UBE2E2: variants seen among roughly 807,000 people sequenced by gnomAD.
UBE2E2 encodes ubiquitin conjugating enzyme E2 E2, also known as ubiquitin-conjugating enzyme E2 E2.
UBE2E2 carries 6 observed loss-of-function variants against 24.7 expected under a neutral mutation model. That is an observed-to-expected ratio of 0.24 (90% CI 0.13 to 0.48). The LOEUF is 0.48. Ranked by LOEUF, UBE2E2 falls within the 20% of genes least tolerant of loss-of-function variation. The probability of loss-of-function intolerance (pLI) is 0.99; values close to 1 mark genes in which losing one functional copy is unlikely to be tolerated. For missense variants in UBE2E2, 169 were observed against 245.0 expected (o/e 0.69, Z 2.07); for synonymous variants, 104 against 83.6 (o/e 1.24, Z -1.33).
chr3:23,363,144 G>A (rs114700177), intron 3 of UBE2E2, among the ~76,000 whole-genome samples: 4,445 of 152,274 alleles, frequency 0.029, 113 homozygotes, highest in East Asian at 0.13. Context: ...ATGTCTTGAA[G>A]GGAGTGCTAG....
intron 3 of UBE2E2, among the ~76,000 whole-genome samples, chr3:23,418,374 G>A (rs778513476): frequency 2.0e-5 from 3 of 152,162 alleles, no homozygotes; most frequent in Admixed American, 6.5e-5. Context: ...GGCTGGATCC[G>A]CTGTGTAACC....
At chr3:23,493,140 C>G (rs1479017948) in intron 3 of UBE2E2, among the ~76,000 whole-genome samples, 1 of 152,268 alleles carries the variant, frequency 6.6e-6, no homozygotes, top group East Asian at 1.9e-4. Flanking sequence ...CATCCTTCCT[C>G]TTTACCTGTC....
chr3:23,527,955 G>A (rs1695038949), intron 4 of UBE2E2, among the ~76,000 whole-genome samples: 1 of 152,130 alleles, frequency 6.6e-6, no homozygotes, highest in South Asian at 2.1e-4. Flanking sequence ...TGTGTGAACT[G>A]CTTTAGCAAA....
intron 3 of UBE2E2, among the ~76,000 whole-genome samples, chr3:23,390,909 CA>C (rs1212175579): frequency 1.3e-5 from 2 of 152,112 alleles, no homozygotes; most frequent in African/African-American, 2.4e-5. Context: ...ATGTAGACCA[CA>C]ATTGTAATCA....
intron 3 of UBE2E2, among the ~76,000 whole-genome samples, chr3:23,262,239 T>A (rs1028716288): frequency 7.2e-5 from 11 of 152,174 alleles, no homozygotes; most frequent in African/African-American, 2.4e-4. Flanking sequence ...GTGTTGGCCA[T>A]TTGTATTTCT....
At chr3:23,449,919 C>T in intron 3 of UBE2E2, 1 of 985,398 alleles carries the variant, frequency 1.0e-6, no homozygotes, top group Non-Finnish European at 1.2e-6. Context: ...GGGGACCCCT[C>T]CCCCTAGTGA....
intron 3 of UBE2E2, among the ~76,000 whole-genome samples, chr3:23,351,821 T>G (rs533436478): frequency 6.6e-6 from 1 of 152,260 alleles, no homozygotes; most frequent in African/African-American, 2.4e-5. Context: ...ATTAGACAGA[T>G]CAACGAGACA....
chr3:23,296,577 C>G (rs141040862), intron 3 of UBE2E2, among the ~76,000 whole-genome samples: 32 of 152,100 alleles, frequency 2.1e-4, no homozygotes, highest in South Asian at 6.2e-4. Context: ...TTTGTCCTTG[C>G]GATAGTTTGC....
chr3:23,563,034 T>G (rs968232565), intron 5 of UBE2E2, among the ~76,000 whole-genome samples: 4 of 152,168 alleles, frequency 2.6e-5, no homozygotes, highest in African/African-American at 9.7e-5. Context: ...CTGGATTCAT[T>G]GATTTTTTGA....
intron 3 of UBE2E2, among the ~76,000 whole-genome samples, chr3:23,496,987 G>A (rs937526640): frequency 3.0e-4 from 46 of 152,118 alleles, no homozygotes; most frequent in Non-Finnish European, 6.0e-4. Flanking sequence ...CATGTTATAT[G>A]TATATATGCT....
intron 3 of UBE2E2, among the ~76,000 whole-genome samples, chr3:23,346,749 A>G (rs931167985): frequency 6.6e-5 from 10 of 152,078 alleles, no homozygotes. Context: ...TTACTTTTCT[A>G]CTCATTATAG....
intron 3 of UBE2E2, among the ~76,000 whole-genome samples, chr3:23,409,098 T>C (rs1356622509): frequency 2.6e-5 from 4 of 152,190 alleles, no homozygotes; most frequent in African/African-American, 9.6e-5. Context: ...GCTACATTCC[T>C]GACCATTGGC....
chr3:23,447,897 TG>T (rs1461166413), intron 3 of UBE2E2, among the ~76,000 whole-genome samples: 4 of 152,360 alleles, frequency 2.6e-5, no homozygotes, highest in South Asian at 2.1e-4. Flanking sequence ...TTAACATTCA[TG>T]GCATTTTGTG....
At chr3:23,422,216 T>C (rs1051705094) in intron 3 of UBE2E2, among the ~76,000 whole-genome samples, 4 of 152,160 alleles carry the variant, frequency 2.6e-5, no homozygotes, top group Non-Finnish European at 5.9e-5. Flanking sequence ...AGAAACAATT[T>C]TCTTAGGTAC....
At chr3:23,458,503 C>T (rs144663798) in intron 3 of UBE2E2, among the ~76,000 whole-genome samples, 18,474 of 151,520 alleles carry the variant, frequency 0.12, 1,225 homozygotes, top group Middle Eastern at 0.2. Context: ...CTGCAAGCTC[C>T]GCCTGCCGGG....
chr3:23,541,870 C>T (rs890203406), intron 5 of UBE2E2, among the ~76,000 whole-genome samples: 2 of 152,140 alleles, frequency 1.3e-5, no homozygotes, highest in African/African-American at 2.4e-5. Context: ...GTGAGGTAAA[C>T]CACCTTCCTT....
At chr3:23,297,263 T>C (rs1179271121) in intron 3 of UBE2E2, among the ~76,000 whole-genome samples, 1 of 152,144 alleles carries the variant, frequency 6.6e-6, no homozygotes, top group South Asian at 2.1e-4. Flanking sequence ...GTAGGTTGCC[T>C]GTTCACTCTG....
At chr3:23,291,826 A>C (rs1385582495) in intron 3 of UBE2E2, among the ~76,000 whole-genome samples, 1 of 129,466 alleles carries the variant, frequency 7.7e-6, no homozygotes. Flanking sequence ...GGAATTACAG[A>C]TGTGTGCCAC....
intron 3 of UBE2E2, among the ~76,000 whole-genome samples, chr3:23,371,493 T>TA (rs1336667995): frequency 5.3e-5 from 8 of 152,122 alleles, no homozygotes; most frequent in African/African-American, 1.9e-4. Context: ...AGCGAGGTAT[T>TA]TTATTGTTAT....
Sources: gnomAD v4.1 joint callset for allele counts (sites outside exome capture counted in the v4.1 genomes callset) on GRCh38, gnomAD v4.1.1 for gene constraint, MANE v1.5 for transcripts, NCBI Gene and HGNC (gene_info 2026-07-23, HGNC 2026-07-21) for gene names.